The following VWA3B variants were observed in gnomAD, a reference collection of about 807,000 sequenced individuals.
The protein encoded by VWA3B is von Willebrand factor A domain containing 3B.
In VWA3B, 138 loss-of-function variants were observed where a neutral mutation model predicts 158.3. That is an observed-to-expected ratio of 0.87 (90% confidence interval 0.76 to 1.00). VWA3B has a LOEUF of 1.00. VWA3B is among the 50% of genes least tolerant of loss of function. The pLI is 0.00. For synonymous variants in VWA3B, 596 were observed against 587.3 expected (o/e 1.01, Z -0.21); for missense variants, 1,555 against 1,565.1 (o/e 0.99, Z 0.11).
At position 98,211,463 on chromosome 2, in the gene VWA3B, G is replaced by A. The variant is rs567396504; in HGVS notation, c.1738-467G>A. Among the ~76,000 whole-genome samples the A allele has an allele frequency of 2.0e-5, 3 of 152,292 alleles. No individual in the cohort carries two copies. In the South Asian group the frequency reaches 6.2e-4, roughly 32 times the overall value. ...AGATTGCTAAAAACAGAACTTGTCA[G>A]GTAATGTTAGATATGCCCACATGTA... On this transcript the variant is annotated intron_variant, in intron 12 of 27. Transcript: ENST00000477737.
intron 14 of VWA3B, among the ~76,000 whole-genome samples, chr2:98,220,022 G>C (rs937227979): frequency 6.6e-6 from 1 of 151,848 alleles, no homozygotes; most frequent in Non-Finnish European, 1.5e-5. Context: ...AAGTAGCTGG[G>C]CATGGTGGTT....
chr2:98,223,308 C>CAAA (rs35992329), intron 14 of VWA3B, among the ~76,000 whole-genome samples: 24 of 123,594 alleles, frequency 1.9e-4, no homozygotes, highest in Admixed American at 7.6e-4. Context: ...GAAAATAGAC[C>CAAA]AAAAAAAAAA....
At chr2:98,243,048 C>T (rs1225017305) in intron 19 of VWA3B, among the ~76,000 whole-genome samples, 1 of 151,530 alleles carries the variant, frequency 6.6e-6, no homozygotes, top group Non-Finnish European at 1.5e-5. Flanking sequence ...TTATCATCCA[C>T]CTCATCATCT....
At chr2:98,270,629 T>G in intron 21 of VWA3B, 53 bp from the exon 22 acceptor site, 1 of 1,550,896 alleles carries the variant, frequency 6.4e-7, no homozygotes, top group Non-Finnish European at 8.8e-7. Context: ...ATAGTCATTT[T>G]CTTTGCTTTT....
chr2:98,186,210 C>T (rs142920252), intron 9 of VWA3B, among the ~76,000 whole-genome samples: 4 of 145,314 alleles, frequency 2.8e-5, no homozygotes, highest in Non-Finnish European at 6.0e-5. Flanking sequence ...CCTCCCACCT[C>T]GCTGGCTGTT....
At chr2:98,110,483 A>T (rs140622232) in intron 2 of VWA3B, among the ~76,000 whole-genome samples, 145 of 152,212 alleles carry the variant, frequency 9.5e-4, no homozygotes, top group South Asian at 2.1e-3. Context: ...TCATTCTATG[A>T]CATCTCTCAT....
chr2:98,234,137 A>C (rs1685515655), intron 16 of VWA3B, among the ~76,000 whole-genome samples: 1 of 152,208 alleles, frequency 6.6e-6, no homozygotes, highest in African/African-American at 2.4e-5. Flanking sequence ...CGTCACTCTC[A>C]TGACCAGGTT....
chr2:98,298,015 C>A lies in VWA3B; in HGVS notation c.3266C>A (p.Pro1089His). ...ATCACGCCTGTGGGGGGCGCCATGCCCTGCCCGCTGCTCCAGGTACCCAGT... is the reference window on the plus strand; with the variant it reads ...ATCACGCCTGTGGGGGGCGCCATGCACTGCCCGCTGCTCCAGGTACCCAGT... ...SFITPVGGAM[P>H]CPLLQVGDYV... Residue 1089 changes from proline (P) to histidine (H), a missense_variant, in exon 24 of 28, where the codon CCC becomes CAC. Pro to His is a moderately conservative substitution (Grantham distance 77, BLOSUM62 -2). Coordinates refer to ENST00000477737, the MANE Select transcript of VWA3B (RefSeq NM_144992.5). 1.9e-6 allele frequency: 3 copies of A among 1,567,136 alleles called. No homozygotes were observed. The highest frequency in any genetic ancestry group is 2.6e-6 in the Non-Finnish European group (3 of 1,157,646).
chr2:98,263,810 ATTG>A (rs1419699849), intron 21 of VWA3B, among the ~76,000 whole-genome samples: 2 of 151,968 alleles, frequency 1.3e-5, no homozygotes, highest in African/African-American at 2.4e-5. Flanking sequence ...TTTGAAGAGA[ATTG>A]TTATTAATTA....
intron 8 of VWA3B, among the ~76,000 whole-genome samples, chr2:98,180,743 G>A (rs560105073): frequency 6.6e-6 from 1 of 152,368 alleles, no homozygotes; most frequent in African/African-American, 2.4e-5. Context: ...CAGGCATGGG[G>A]CCAGTCAACT....
At chr2:98,114,281 G>A (rs1248844636) in intron 2 of VWA3B, among the ~76,000 whole-genome samples, 1 of 152,156 alleles carries the variant, frequency 6.6e-6, no homozygotes, top group Non-Finnish European at 1.5e-5. Flanking sequence ...CCAGATAAAT[G>A]TCTTAGGTAA....
chr2:98,214,555 A>G (rs879136072), intron 13 of VWA3B, among the ~76,000 whole-genome samples: 1 of 152,226 alleles, frequency 6.6e-6, no homozygotes, highest in Middle Eastern at 3.4e-3. Context: ...CCTTTCAGAG[A>G]TGGTTTCTGT....
chr2:98,163,728 A>AG (rs1276573408), intron 8 of VWA3B, among the ~76,000 whole-genome samples: 4 of 152,144 alleles, frequency 2.6e-5, no homozygotes, highest in Admixed American at 6.6e-5. Flanking sequence ...TGTTAAGGGC[A>AG]GGGGGGCTTC....
chr2:98,210,209 A>G lies in VWA3B; in HGVS notation c.1738-1721A>G, dbSNP rs552185768. On this transcript the variant is annotated intron_variant, in intron 12 of 27. Coordinates refer to ENST00000477737, the MANE Select transcript of VWA3B (RefSeq NM_144992.5). ...TATGGAATTACTTGCTGAATCCTGA[A>G]CAAGAAAGGAGTCTGGAGCGTGCAG... 1.2e-4 allele frequency among the ~76,000 whole-genome samples: 19 copies of G among 152,288 alleles called. No homozygotes were observed. The South Asian group carries it at 3.3e-3, about 27-fold the overall frequency.
chr2:98,182,597 T>C (rs886647375), intron 9 of VWA3B, among the ~76,000 whole-genome samples: 2 of 152,186 alleles, frequency 1.3e-5, no homozygotes, highest in African/African-American at 2.4e-5. Context: ...TTCTGTAATG[T>C]TCAGGAAATC....
intron 19 of VWA3B, among the ~76,000 whole-genome samples, chr2:98,247,034 G>C (rs1686442229): frequency 6.6e-6 from 1 of 151,784 alleles, no homozygotes; most frequent in East Asian, 1.9e-4. Flanking sequence ...GCCTCGCACT[G>C]TCGCCCAGGC....
At chr2:98,326,094 CAAAG>C in the VWA3B span, among the ~76,000 whole-genome samples, 1 of 151,952 alleles carries the variant, frequency 6.6e-6, no homozygotes. Flanking sequence ...ATCCATGCAA[CAAAG>C]AAGAAATCGC....
intron 21 of VWA3B, among the ~76,000 whole-genome samples, chr2:98,267,917 C>T (rs1282366469): frequency 1.4e-4 from 21 of 152,054 alleles, no homozygotes; most frequent in Middle Eastern, 3.4e-3. Context: ...AACACCTCTA[C>T]GCAAATAAAC....
chr2:98,284,322 G>A (rs892187905), intron 22 of VWA3B, among the ~76,000 whole-genome samples: 2 of 152,050 alleles, frequency 1.3e-5, no homozygotes, highest in African/African-American at 4.8e-5. Flanking sequence ...TTATTTTAAT[G>A]AACCTAAAAA....
Sources: gnomAD v4.1 joint callset for allele counts (sites outside exome capture counted in the v4.1 genomes callset) on GRCh38, gnomAD v4.1.1 for gene constraint, MANE v1.5 for transcripts, NCBI Gene and HGNC (gene_info 2026-07-23, HGNC 2026-07-21) for gene names.